Variants in PRKCH observed in about 807,000 individuals in gnomAD.
PRKCH encodes the protein protein kinase C eta type.
In PRKCH, 28 loss-of-function variants were observed where a neutral mutation model predicts 82.5. That is an observed-to-expected ratio of 0.34 (90% CI 0.25 to 0.47). PRKCH has a LOEUF of 0.47. Among genes scored for constraint, PRKCH ranks in the 20% least tolerant of loss-of-function variants. PRKCH has a pLI of 1.00. For missense variants in PRKCH, 705 were observed against 881.8 expected, an observed-to-expected ratio of 0.80 and a Z score of 2.54; for synonymous variants, 322 against 327.4, an observed-to-expected ratio of 0.98 and a Z score of 0.18.
At chr14:61,444,445 A>G (rs1940343523) in intron 3 of PRKCH, among the ~76,000 whole-genome samples, 1 of 148,896 alleles carries the variant, frequency 6.7e-6, no homozygotes, top group South Asian at 2.2e-4. Context: ...TTTCTTTTAC[A>G]TGACCTGCCA....
intron 1 of PRKCH, among the ~76,000 whole-genome samples, chr14:61,378,403 T>C (rs1320074336): frequency 6.6e-6 from 1 of 151,922 alleles, no homozygotes; most frequent in Non-Finnish European, 1.5e-5. Context: ...GATGGGGTCT[T>C]ATTTTGTTGC....
chr14:61,414,274 CT>C (rs151041093), intron 2 of PRKCH, among the ~76,000 whole-genome samples: 3,270 of 140,936 alleles, frequency 0.023, 88 homozygotes, highest in African/African-American at 0.069. Flanking sequence ...TTCATTTAAT[CT>C]TTTTTTTTTT....
intron 1 of PRKCH, among the ~76,000 whole-genome samples, chr14:61,212,643 A>T (rs893060973): frequency 6.6e-6 from 1 of 152,184 alleles, no homozygotes; most frequent in Non-Finnish European, 1.5e-5. Flanking sequence ...GCCCTGGTTA[A>T]TGTAGAGGTA....
intron 2 of PRKCH, among the ~76,000 whole-genome samples, chr14:61,411,945 G>T (rs1882289855): frequency 6.6e-6 from 1 of 152,196 alleles, no homozygotes; most frequent in African/African-American, 2.4e-5. Context: ...ATGGAGCATT[G>T]GGTAGAGTAG....
intron 1 of PRKCH, chr14:61,306,901 A>C (rs535368297): frequency 2.6e-5 from 4 of 152,358 alleles, no homozygotes; most frequent in African/African-American, 9.6e-5. Flanking sequence ...TTAATGTGAA[A>C]TATACATCTG....
chr14:61,330,549 A>G (rs897993782), intron 1 of PRKCH, among the ~76,000 whole-genome samples: 1 of 152,242 alleles, frequency 6.6e-6, no homozygotes, highest in Non-Finnish European at 1.5e-5. Flanking sequence ...ATAATCATAG[A>G]TGTTGAAGCA....
At chr14:61,391,994 T>C (rs1041312485) in intron 2 of PRKCH, among the ~76,000 whole-genome samples, 4 of 152,218 alleles carry the variant, frequency 2.6e-5, no homozygotes, top group Non-Finnish European at 5.9e-5. Context: ...GAAGTTCATA[T>C]ACATGGAATT....
chr14:61,234,812 C>T (rs911861693), intron 1 of PRKCH, among the ~76,000 whole-genome samples: 4 of 152,212 alleles, frequency 2.6e-5, no homozygotes, highest in African/African-American at 9.7e-5. Context: ...CCATTCGTAG[C>T]CCCTCAGGGC....
rs2140048658 is a variant in PRKCH, at chr14:61,550,053, A to G, written c.*222A>G. ...ATAGTTGATAATGAAATGAGATTTT[A>G]TGAAGTATACCGCTCCACCTATGAG... On this transcript the variant is annotated 3_prime_UTR_variant, in exon 14 of 14. Transcript: ENST00000332981. 1 of 506,738 alleles carries G rather than the reference A, an allele frequency of 2.0e-6. No homozygotes were observed. Among genetic ancestry groups the G allele is most frequent in the East Asian group, 3.1e-5 (1 of 32,454 alleles). The allele number at this position is 506,738 out of a possible 1,614,324, so 31.4% of individuals were successfully genotyped here. A position where few individuals can be genotyped will look rare whatever the true frequency, so the allele number is the denominator to read the frequency against.
chr14:61,240,152 A>T (rs1314188686), intron 1 of PRKCH, among the ~76,000 whole-genome samples: 1 of 151,868 alleles, frequency 6.6e-6, no homozygotes, highest in Admixed American at 6.6e-5. Context: ...CACACTGATA[A>T]GATTGACACG....
At chr14:61,367,418 G>A (rs1365599237) in intron 1 of PRKCH, among the ~76,000 whole-genome samples, 1 of 151,556 alleles carries the variant, frequency 6.6e-6, no homozygotes, top group South Asian at 2.1e-4. Context: ...TGCCACCGAG[G>A]TCACCGTGGA....
chr14:61,400,738 G>T (rs1881563125), intron 2 of PRKCH, among the ~76,000 whole-genome samples: 1 of 152,140 alleles, frequency 6.6e-6, no homozygotes, highest in Non-Finnish European at 1.5e-5. Flanking sequence ...TAGTAACTGA[G>T]TACCTCTACG....
At chr14:61,310,306 A>C (rs1266965810) in intron 1 of PRKCH, among the ~76,000 whole-genome samples, 1 of 152,242 alleles carries the variant, frequency 6.6e-6, no homozygotes, top group Non-Finnish European at 1.5e-5. Flanking sequence ...TGTAAAATAA[A>C]AAACAAGTTA....
chr14:61,485,563 A>T lies in PRKCH; in HGVS notation c.1340A>T (p.Lys447Met), dbSNP rs752292090. The T allele has an allele frequency of 6.2e-7, 1 of 1,614,168 alleles. No individual in the cohort carries two copies. ...GGTGACTTGATGTTCCACATTCAGA[A>T]GTCTCGTCGTTTTGATGAAGCACGA... Reference protein sequence around the residue: ...NGGDLMFHIQKSRRFDEARAR... With the variant: ...NGGDLMFHIQMSRRFDEARAR... The change falls in exon 10 of 14, where the codon AAG becomes ATG. Residue 447 changes from lysine to methionine, a missense_variant. By Grantham distance (95) the Lys-to-Met change is moderately conservative. Coordinates refer to ENST00000332981, the MANE Select transcript of PRKCH (RefSeq NM_006255.5).
intron 9 of PRKCH, among the ~76,000 whole-genome samples, chr14:61,472,533 CT>C (rs766533751): frequency 6.6e-6 from 1 of 152,224 alleles, no homozygotes; most frequent in East Asian, 1.9e-4. Context: ...CACTTGCTGG[CT>C]TTTTTTCTTT....
intron 2 of PRKCH, among the ~76,000 whole-genome samples, chr14:61,401,664 T>G (rs1264158730): frequency 6.6e-6 from 1 of 152,242 alleles, no homozygotes. Context: ...TAGTTTCACT[T>G]AAGAATGTCT....
intron 1 of PRKCH, among the ~76,000 whole-genome samples, chr14:61,263,899 G>A (rs868665511): frequency 1.2e-4 from 17 of 139,740 alleles, no homozygotes; most frequent in African/African-American, 4.0e-4. Context: ...GTGTGTGTAT[G>A]TGTGTGTACG....
intron 1 of PRKCH, among the ~76,000 whole-genome samples, chr14:61,316,080 A>G (rs2045560199): frequency 6.6e-6 from 1 of 152,100 alleles, no homozygotes; most frequent in South Asian, 2.1e-4. Context: ...TGTTTATCAT[A>G]TATAATTTTA....
At chr14:61,489,724 G>A (rs17098528) in intron 10 of PRKCH, among the ~76,000 whole-genome samples, 2,750 of 152,296 alleles carry the variant, frequency 0.018, 80 homozygotes, top group African/African-American at 0.063. Flanking sequence ...CGATTGGAAG[G>A]CCAGACAGTG....
Sources: gnomAD v4.1 joint callset for allele counts (sites outside exome capture counted in the v4.1 genomes callset) on GRCh38, gnomAD v4.1.1 for gene constraint, MANE v1.5 for transcripts, NCBI Gene and HGNC (gene_info 2026-07-23, HGNC 2026-07-21) for gene names.